PTH1R: variants seen among roughly 807,000 people sequenced by gnomAD.
The protein encoded by PTH1R is parathyroid hormone/parathyroid hormone-related peptide receptor.
PTH1R carries 32 observed loss-of-function variants against 70.7 expected under a neutral mutation model. The ratio of observed to expected loss-of-function variants is 0.45; its 90% CI spans 0.34 to 0.61. The LOEUF is 0.61. Ranked by LOEUF, PTH1R falls within the 20% of genes least tolerant of loss-of-function variation. The pLI, the probability that PTH1R is intolerant of heterozygous loss-of-function variation, is 0.01. For missense variants in PTH1R, 626 were observed against 792.5 expected (o/e 0.79, Z 2.52); for synonymous variants, 329 against 324.8 (o/e 1.01, Z -0.14).
At position 46,892,605 on chromosome 3, in the gene PTH1R, A is replaced by T; in HGVS notation, c.76-1302A>T. On this transcript the variant is annotated intron_variant, in intron 3 of 15. Coordinates refer to ENST00000449590, the MANE Select transcript of PTH1R (RefSeq NM_000316.3). The surrounding 1 kb of genome is among the most constrained non-coding windows in gnomAD (Gnocchi z 5.2). The stretch of plus-strand genomic sequence containing the variant: ...CTGCCGCCAAGAGACGCGGTCAATT[A>T]ACTTCTCCCTGCAGCCAGGCTCTCT... 2.8e-6 allele frequency: 1 copy of T among 360,500 alleles called. No homozygotes were observed. Among genetic ancestry groups the T allele is most frequent in the Non-Finnish European group, 3.9e-6 (1 of 256,542 alleles). The allele number at this position is 360,500 out of a possible 1,614,324, so 22.3% of individuals were successfully genotyped here.
chr3:46,893,155 G>A lies in PTH1R; in HGVS notation c.76-752G>A, dbSNP rs139674030. ...CAGGGTGTGCAGGTTGGAGGGAAGG[G>A]AAAGGACATTCCAGGCAGAGAACAG... On this transcript the variant is annotated intron_variant, in intron 3 of 15. Coordinates refer to ENST00000449590, the MANE Select transcript of PTH1R (RefSeq NM_000316.3). This position sits in a 1 kb window ranked among gnomAD's most constrained non-coding sequence, Gnocchi z 5.2. Among the ~76,000 whole-genome samples, 51 of 152,208 alleles carry A rather than the reference G, an allele frequency of 3.4e-4. No homozygotes were observed. Among genetic ancestry groups the A allele is most frequent in the Non-Finnish European group, 2.6e-4 (18 of 67,986 alleles).
In PTH1R at chr3:46,900,955, A is replaced by C; in HGVS notation, c.989-70A>C. ...TGGTGGGGTAAGCTGGGGGTCATCG[A>C]GGATGAGGGGGGAATGACCTTGTGG... On this transcript the variant is annotated intron_variant, in intron 10 of 15. Transcript: ENST00000449590. 6 of 1,508,496 alleles carry C rather than the reference A, an allele frequency of 4.0e-6. No individual in the cohort carries two copies. The South Asian group carries it at 7.2e-5, about 18-fold the overall frequency. 93.4% of individuals were successfully genotyped at this position (1,508,496 alleles called of 1,614,324 possible).
chr3:46,886,233 G>A (rs997278223), intron 3 of PTH1R, among the ~76,000 whole-genome samples: 2 of 152,224 alleles, frequency 1.3e-5, no homozygotes, highest in African/African-American at 4.8e-5. Flanking sequence ...TCAGCATGGG[G>A]CAGGCCTTGA....
At position 46,882,130 on chromosome 3, in the gene PTH1R, G is replaced by A. The variant is rs2030618679; in HGVS notation, c.-49+1012G>A. ...CTCTAGCGCAATGTCCCGGGGCGGG[G>A]GGCGGAAGGCTCCTCTCGGCCTCTC... On this transcript the variant is annotated intron_variant, in intron 2 of 15. Transcript: ENST00000449590. The surrounding 1 kb of genome is among the most constrained non-coding windows in gnomAD (Gnocchi z 4.3). The A allele has an allele frequency of 6.6e-6, 1 of 152,090 alleles. No homozygotes were observed. The highest frequency in any genetic ancestry group is 2.4e-5 in the African/African-American group (1 of 41,410). 9.4% of individuals were successfully genotyped at this position (152,090 alleles called of 1,614,324 possible).
chr3:46,898,587 C>T, intron 8 of PTH1R, 75 bp from the exon 9 acceptor site: 2 of 1,601,550 alleles, frequency 1.2e-6, no homozygotes, highest in Non-Finnish European at 1.7e-6. Flanking sequence ...CTACCTACGG[C>T]GCACAACCCA....
rs2032181794 is a variant in PTH1R at position 46,902,457 on chromosome 3, T to TG, written c.1212-63dup. 12 of 1,582,886 alleles carry TG rather than the reference T, an allele frequency of 7.6e-6. No individual in the cohort carries two copies. The highest frequency in any genetic ancestry group is 1.8e-5 in the Admixed American group (1 of 55,740). ...CTTCCGGAGCCTGGGGCTCGCAGGG[T>TG]GGGGGGTGGCACAATGCTTGTTGAA... is the stretch of plus-strand genomic sequence containing the variant. On this transcript the variant is annotated intron_variant, in intron 13 of 15. Coordinates refer to ENST00000449590, the MANE Select transcript of PTH1R (RefSeq NM_000316.3). This position sits in a 1 kb window ranked among gnomAD's most constrained non-coding sequence, Gnocchi z 5.4.
chr3:46,900,036 C>T (rs374836778), intron 10 of PTH1R, among the ~76,000 whole-genome samples: 6 of 152,204 alleles, frequency 3.9e-5, no homozygotes, highest in East Asian at 1.9e-4. Context: ...ATCCAGTTAC[C>T]GATAATTGTC....
Position 46,901,604 on chromosome 3 carries a change from G to A in PTH1R, c.1116+124G>A, listed in dbSNP as rs1161705472. On this transcript the variant is annotated intron_variant, in intron 12 of 15. Coordinates refer to ENST00000449590, the MANE Select transcript of PTH1R (RefSeq NM_000316.3). This position sits in a 1 kb window ranked among gnomAD's most constrained non-coding sequence, Gnocchi z 7.3. ...CCCCAGTGTCAGAGCTACAGAGGCC[G>A]GAGGACCAGCTGATCCACACTCCAG... 25 of 1,369,778 alleles carry A rather than the reference G, an allele frequency of 1.8e-5. No individual in the cohort carries two copies. The highest frequency in any genetic ancestry group is 5.0e-5 in the East Asian group (2 of 40,078). 84.9% of individuals were successfully genotyped at this position (1,369,778 alleles called of 1,614,324 possible). A position where few individuals can be genotyped will look rare whatever the true frequency, so the allele number is the denominator to read the frequency against.
At position 46,902,693 on chromosome 3, in the gene PTH1R, CTG is replaced by C; in HGVS notation, c.1353+27_1353+28del. On this transcript the variant is annotated intron_variant, in intron 14 of 15. Transcript: ENST00000449590. This position sits in a 1 kb window ranked among gnomAD's most constrained non-coding sequence, Gnocchi z 5.4. ...GTGCGCAGTGCTGGCCCGGGCCTGG[CTG>C]AGGGTGGGAGGGGTTCCGGGGGCAG... 1 of 1,613,968 alleles carries C rather than the reference CTG, an allele frequency of 6.2e-7. No homozygotes were observed. The highest frequency in any genetic ancestry group is 1.1e-5 in the South Asian group (1 of 91,080).
chr3:46,887,285 C>T (rs1021113944), intron 3 of PTH1R, among the ~76,000 whole-genome samples: 5 of 151,780 alleles, frequency 3.3e-5, no homozygotes, highest in African/African-American at 1.2e-4. Flanking sequence ...TTTTTAACTT[C>T]ACAACTGATA....
chr3:46,879,387 A>G lies in PTH1R; in HGVS notation c.-106+1544A>G, dbSNP rs2106939166. ...CCATTAATGTTCTTTTCTCATCACC[A>G]AGGGGGAAAGCAGGGTGGAAGATCA... On this transcript the variant is annotated intron_variant, in intron 1 of 15. Transcript: ENST00000449590. This position sits in a 1 kb window ranked among gnomAD's most constrained non-coding sequence, Gnocchi z 4.7. 2.0e-5 allele frequency among the ~76,000 whole-genome samples: 3 copies of G among 152,298 alleles called. 1 individual carries two copies. In the Middle Eastern group the frequency reaches 0.01, roughly 518 times the overall value.
Position 46,901,685 on chromosome 3 carries a change from A to G in PTH1R, c.1117-81A>G. 6.8e-7 allele frequency: 1 copy of G among 1,476,956 alleles called. No homozygotes were observed. The highest frequency in any genetic ancestry group is 1.1e-5 in the South Asian group (1 of 88,008). 91.5% of individuals were successfully genotyped at this position (1,476,956 alleles called of 1,614,324 possible). Reference sequence around the variant, plus strand: ...CCACCCAGAGATGCAGTGACAGAGCAGAGCCTATGGCCGTGGCTGCCAGGC... The same window carrying G: ...CCACCCAGAGATGCAGTGACAGAGCGGAGCCTATGGCCGTGGCTGCCAGGC... On this transcript the variant is annotated intron_variant, in intron 12 of 15. Coordinates refer to ENST00000449590, the MANE Select transcript of PTH1R (RefSeq NM_000316.3). The surrounding 1 kb of genome is among the most constrained non-coding windows in gnomAD (Gnocchi z 7.3).
rs2030914349 is a variant in PTH1R at position 46,884,859 on chromosome 3, A to G, written c.75+1225A>G. Among the ~76,000 whole-genome samples, 1 of 152,186 alleles carries G rather than the reference A, an allele frequency of 6.6e-6. No individual in the cohort carries two copies. Among genetic ancestry groups the G allele is most frequent in the Non-Finnish European group, 1.5e-5 (1 of 68,034 alleles). On this transcript the variant is annotated intron_variant, in intron 3 of 15. Transcript: ENST00000449590. The surrounding 1 kb of genome is among the most constrained non-coding windows in gnomAD (Gnocchi z 4.8). ...GAAGAAACATCTGCCTGAGAATCCC[A>G]TCATCAGAGGCTCTCCCTTCCTCTG... is the stretch of plus-strand genomic sequence containing the variant.
At position 46,883,679 on chromosome 3, in the gene PTH1R, C is replaced by T. The variant is rs751447035; in HGVS notation, c.75+45C>T. ...CACTCCGGGACAGGCTGCGGGCTTACCCTAGGGTCCGCGGGATAGGTCTAA... is the reference window on the plus strand; with the variant it reads ...CACTCCGGGACAGGCTGCGGGCTTATCCTAGGGTCCGCGGGATAGGTCTAA... On this transcript the variant is annotated intron_variant, in intron 3 of 15. Transcript: ENST00000449590. The surrounding 1 kb of genome is among the most constrained non-coding windows in gnomAD (Gnocchi z 6.4). 48 of 1,542,966 alleles carry T rather than the reference C, an allele frequency of 3.1e-5. No individual in the cohort carries two copies. The highest frequency in any genetic ancestry group is 4.2e-5 in the Non-Finnish European group (48 of 1,145,430).
rs1425526200 is a variant in PTH1R, at chr3:46,882,851, C to T, written c.-48-661C>T. On this transcript the variant is annotated intron_variant, in intron 2 of 15. Coordinates refer to ENST00000449590, the MANE Select transcript of PTH1R (RefSeq NM_000316.3). This position sits in a 1 kb window ranked among gnomAD's most constrained non-coding sequence, Gnocchi z 4.3. ...TCTGGCCAAGGATGGGGAAGGGGTG[C>T]GGGAGGCGGCTGCCGAGGGTCTGGG... is the stretch of plus-strand genomic sequence containing the variant. 6.6e-6 allele frequency among the ~76,000 whole-genome samples: 1 copy of T among 151,566 alleles called. No individual in the cohort carries two copies. Among genetic ancestry groups the T allele is most frequent in the African/African-American group, 2.4e-5 (1 of 41,286 alleles).
chr3:46,885,531 T>G (rs1301027480), intron 3 of PTH1R, among the ~76,000 whole-genome samples: 1 of 152,146 alleles, frequency 6.6e-6, no homozygotes, highest in Non-Finnish European at 1.5e-5. Context: ...TATGTGTGTG[T>G]GGAGTATGGG....
In PTH1R at chr3:46,898,920, C is replaced by T. The variant is rs981284395; in HGVS notation, c.834+63C>T. On this transcript the variant is annotated intron_variant, in intron 9 of 15. Transcript: ENST00000449590. ...ACTGGCCTCGTGGGGCCCCGCCCCG[C>T]CCCGCTCCAGCCCGGCCCTCGCCCT... 2.0e-5 allele frequency: 24 copies of T among 1,207,714 alleles called. No homozygotes were observed. The African/African-American group carries it at 3.3e-4, about 17-fold the overall frequency. 74.8% of individuals were successfully genotyped at this position (1,207,714 alleles called of 1,614,324 possible). A position where few individuals can be genotyped will look rare whatever the true frequency, so the allele number is the denominator to read the frequency against.
In PTH1R at chr3:46,901,123, C is replaced by G; in HGVS notation, c.1049+38C>G. 1 of 1,553,536 alleles carries G rather than the reference C, an allele frequency of 6.4e-7. No homozygotes were observed. Among genetic ancestry groups the G allele is most frequent in the Non-Finnish European group, 8.7e-7 (1 of 1,146,228 alleles). On this transcript the variant is annotated intron_variant, in intron 11 of 15. Transcript: ENST00000449590. This position sits in a 1 kb window ranked among gnomAD's most constrained non-coding sequence, Gnocchi z 7.3. ...GGAGAAGGGGCCCAGGCAAGAAGCA[C>G]CCCTGGGTCCCTTTTCTTCCAGGAA...
Position 46,903,323 on chromosome 3 carries a change from C to T in PTH1R, c.1449C>T (p.Phe483=), listed in dbSNP as rs372488642. The change falls in exon 16 of 16, where the codon TTC becomes TTT. Residue 483 remains phenylalanine, a synonymous_variant. Coordinates refer to ENST00000449590, the MANE Select transcript of PTH1R (RefSeq NM_000316.3). The surrounding 1 kb of genome is among the most constrained non-coding windows in gnomAD (Gnocchi z 4.4). The stretch of plus-strand genomic sequence containing the variant: ...GCCGCTGGACACTGGCACTGGACTT[C>T]AAGCGAAAGGCACGCAGCGGGAGCA... ...SWSRWTLALD[F]KRKARSGSSS... 2 of 1,613,556 alleles carry T rather than the reference C, an allele frequency of 1.2e-6. No homozygotes were observed. The highest frequency in any genetic ancestry group is 1.3e-5 in the African/African-American group (1 of 74,934).
Sources: allele counts gnomAD v4.1 joint callset (sites outside exome capture counted in the v4.1 genomes callset), GRCh38; gene constraint gnomAD v4.1.1; non-coding constraint Gnocchi (gnomAD v3.1); transcripts MANE v1.5; gene names NCBI Gene and HGNC (gene_info 2026-07-23, HGNC 2026-07-21).